The following THRB variants were observed in gnomAD, a reference collection of about 807,000 sequenced individuals.
THRB encodes the protein nuclear receptor subfamily 1 group A member 2.
THRB carries 12 observed loss-of-function variants against 47.8 expected under a neutral mutation model. The observed-to-expected ratio is 0.25, with a 90% CI of 0.16 to 0.41. THRB has a LOEUF of 0.41. Among genes scored for constraint, THRB ranks in the 10% least tolerant of loss-of-function variants. The pLI is 1.00. For missense variants in THRB, 348 were observed against 589.2 expected, an observed-to-expected ratio of 0.59 and a Z score of 4.24; for synonymous variants, 218 against 212.2, an observed-to-expected ratio of 1.03 and a Z score of -0.24.
At chr3:24,140,536 G>A (rs1224677730) in intron 8 of THRB, among the ~76,000 whole-genome samples, 1 of 151,902 alleles carries the variant, frequency 6.6e-6, no homozygotes, top group Non-Finnish European at 1.5e-5. Context: ...ACTGCCTGGT[G>A]GTCTCAGAGT....
chr3:24,272,942 A>T (rs1364715165), intron 3 of THRB, among the ~76,000 whole-genome samples: 2 of 152,076 alleles, frequency 1.3e-5, no homozygotes, highest in South Asian at 2.1e-4. Flanking sequence ...TCAGTTTTTT[A>T]AAAAACAAAT....
chr3:24,369,648 T>C (rs993330530), intron 1 of THRB, among the ~76,000 whole-genome samples: 5 of 152,156 alleles, frequency 3.3e-5, no homozygotes, highest in Non-Finnish European at 5.9e-5. Context: ...GAACAAAACT[T>C]TTTCAACAAC....
At chr3:24,414,321 T>C (rs1429251411) in intron 1 of THRB, among the ~76,000 whole-genome samples, 1 of 151,910 alleles carries the variant, frequency 6.6e-6, no homozygotes, top group Non-Finnish European at 1.5e-5. Context: ...CAAATTTACT[T>C]GACAAAGTCA....
intron 5 of THRB, among the ~76,000 whole-genome samples, chr3:24,171,689 G>C (rs1295973217): frequency 1.3e-5 from 2 of 152,128 alleles, no homozygotes; most frequent in African/African-American, 4.8e-5. Flanking sequence ...GTGGAGGAAA[G>C]GGAGTAAAGG....
chr3:24,315,779 T>A (rs986311296), intron 2 of THRB, among the ~76,000 whole-genome samples: 4 of 152,184 alleles, frequency 2.6e-5, no homozygotes, highest in Non-Finnish European at 4.4e-5. Flanking sequence ...CTGATAATAA[T>A]AATTGCAGGG....
At chr3:24,421,394 G>A (rs1446788751) in intron 1 of THRB, among the ~76,000 whole-genome samples, 2 of 151,544 alleles carry the variant, frequency 1.3e-5, no homozygotes, top group African/African-American at 4.8e-5. Flanking sequence ...GCTTGTAGGA[G>A]TCTAATAATA....
At position 24,228,999 on chromosome 3, in the gene THRB, C is replaced by G; in HGVS notation, c.-40G>C. 6.4e-7 allele frequency: 1 copy of G among 1,551,466 alleles called. No homozygotes were observed. The highest frequency in any genetic ancestry group is 1.1e-5 in the South Asian group (1 of 89,300). ...TCTGGATCCCTTTTTTCACTGACAT[C>G]TCCTACAAGGAAAAAATACAAAAAA... On this transcript the variant is annotated splice_region_variant and 5_prime_UTR_variant, in exon 4 of 11. Transcript: ENST00000646209.
chr3:24,269,442 C>CACACACACACAT (rs58200122), intron 3 of THRB, among the ~76,000 whole-genome samples: 1 of 141,044 alleles, frequency 7.1e-6, no homozygotes, highest in African/African-American at 2.7e-5. Context: ...CACACACACA[C>CACACACACACAT]TTAAGTTATC....
chr3:24,217,240 A>G (rs1457378166), intron 4 of THRB, among the ~76,000 whole-genome samples: 1 of 152,110 alleles, frequency 6.6e-6, no homozygotes, highest in African/African-American at 2.4e-5. Flanking sequence ...GGAAACTATG[A>G]GCCATTTAAA....
rs112812115 is a variant in THRB at position 24,490,509 on chromosome 3, C to T, written c.-261+4143G>A. ...CCCATGTACCAAGCTCTTTGCTAGG[C>T]TATGGGGAGTCAAAGATGAATAAAC... On this transcript the variant is annotated intron_variant, in intron 1 of 10. Coordinates refer to ENST00000646209, the MANE Select transcript of THRB (RefSeq NM_001354712.2). Among the ~76,000 whole-genome samples the T allele has an allele frequency of 5.6e-3, 849 of 152,272 alleles. 9 individuals carry two copies. Among genetic ancestry groups the T allele is most frequent in the African/African-American group, 0.019 (783 of 41,548 alleles).
At chr3:24,293,233 A>G (rs542598757) in intron 3 of THRB, among the ~76,000 whole-genome samples, 4 of 152,332 alleles carry the variant, frequency 2.6e-5, no homozygotes, top group Non-Finnish European at 5.9e-5. Context: ...CGTGTTGATC[A>G]TTAAGCTATT....
intron 1 of THRB, among the ~76,000 whole-genome samples, chr3:24,448,209 G>A (rs982718201): frequency 1.3e-5 from 2 of 151,964 alleles, no homozygotes; most frequent in Non-Finnish European, 2.9e-5. Context: ...TTTCACTGGC[G>A]ATTTATCATT....
chr3:24,378,045 T>A (rs928385568), intron 1 of THRB, among the ~76,000 whole-genome samples: 7 of 152,174 alleles, frequency 4.6e-5, no homozygotes, highest in Non-Finnish European at 7.4e-5. Context: ...TCCTTTTGTT[T>A]GCAAGGTTGA....
At chr3:24,481,137 T>G (rs1696290603) in intron 1 of THRB, among the ~76,000 whole-genome samples, 1 of 151,450 alleles carries the variant, frequency 6.6e-6, no homozygotes, top group Non-Finnish European at 1.5e-5. Context: ...GCAGAGAACA[T>G]CCACTTTGGG....
At chr3:24,134,671 C>G (rs1279671769) in intron 8 of THRB, among the ~76,000 whole-genome samples, 1 of 152,150 alleles carries the variant, frequency 6.6e-6, no homozygotes, top group Non-Finnish European at 1.5e-5. Flanking sequence ...AACAGTATCT[C>G]TACTCCTCTG....
intron 3 of THRB, among the ~76,000 whole-genome samples, chr3:24,243,481 T>C (rs967069565): frequency 6.6e-6 from 1 of 151,944 alleles, no homozygotes; most frequent in African/African-American, 2.4e-5. Flanking sequence ...CGTCAGGATT[T>C]TTCCTTGCCT....
At chr3:24,236,319 T>C (rs11714355) in intron 3 of THRB, among the ~76,000 whole-genome samples, 45,032 of 152,084 alleles carry the variant, frequency 0.3, 7,871 homozygotes, top group Non-Finnish European at 0.4. Context: ...CCTTTAACTC[T>C]TCAAGCCTCA....
intron 6 of THRB, among the ~76,000 whole-genome samples, chr3:24,151,967 A>C (rs573679294): frequency 1.4e-3 from 217 of 152,340 alleles, no homozygotes; most frequent in African/African-American, 5.0e-3. Flanking sequence ...TCAGACTAAC[A>C]GCAGAAAACA....
rs1034196794 is a variant in THRB at position 24,446,448 on chromosome 3, A to G, written c.-261+48204T>C. On this transcript the variant is annotated intron_variant, in intron 1 of 10. Coordinates refer to ENST00000646209, the MANE Select transcript of THRB (RefSeq NM_001354712.2). ...AAAGCAGGTTTGGAGAGAGGTCAGT[A>G]TGCTGGGTTATTGTCAAAGGAGTTA... is the stretch of plus-strand genomic sequence containing the variant. 5.3e-5 allele frequency among the ~76,000 whole-genome samples: 8 copies of G among 151,814 alleles called. No individual in the cohort carries two copies. In the East Asian group the frequency reaches 1.6e-3, roughly 29 times the overall value.
Sources: gnomAD v4.1 joint callset for allele counts (sites outside exome capture counted in the v4.1 genomes callset) on GRCh38, gnomAD v4.1.1 for gene constraint, MANE v1.5 for transcripts, NCBI Gene and HGNC (gene_info 2026-07-23, HGNC 2026-07-21) for gene names.